Variants in TRPM8 observed in about 807,000 individuals in gnomAD.
The protein encoded by TRPM8 is transient receptor potential cation channel subfamily M member 8.
A neutral mutation model predicts 133.7 loss-of-function variants in TRPM8; 110 were observed. The ratio of observed to expected loss-of-function variants is 0.82; its 90% CI spans 0.70 to 0.96. TRPM8 has a LOEUF of 0.96. Among genes scored for constraint, TRPM8 ranks in the 40% least tolerant of loss-of-function variants. TRPM8 has a pLI of 0.00. For missense variants in TRPM8, 1,291 were observed against 1,379.5 expected, an observed-to-expected ratio of 0.94 and a Z score of 1.02; for synonymous variants, 535 against 532.3, an observed-to-expected ratio of 1.01 and a Z score of -0.07.
chr2:233,960,932 C>T lies in TRPM8; in HGVS notation c.1519C>T (p.Arg507Trp), dbSNP rs534722458. 2.6e-5 allele frequency: 42 copies of T among 1,614,148 alleles called. No individual in the cohort carries two copies. Among genetic ancestry groups the T allele is most frequent in the African/African-American group, 8.0e-5 (6 of 75,032 alleles). ...FSNHFSTLVYRNLQIAKNSYN... is the reference protein window; with the variant it reads ...FSNHFSTLVYWNLQIAKNSYN... Reference sequence around the variant, plus strand: ...CAACCACTTCAGCACGCTTGTGTACCGGAATCTGCAGATCGCCAAGAATTC... The same window carrying T: ...CAACCACTTCAGCACGCTTGTGTACTGGAATCTGCAGATCGCCAAGAATTC... Residue 507 changes from arginine to tryptophan, a missense_variant, in exon 12 of 26, where the codon CGG becomes TGG. Coordinates refer to ENST00000324695, the MANE Select transcript of TRPM8 (RefSeq NM_024080.5).
rs201310025 is a variant in TRPM8 at position 234,018,444 on chromosome 2, A to G, written c.*1188A>G. The G allele has an allele frequency of 2.0e-5, 3 of 151,572 alleles. No homozygotes were observed. The highest frequency in any genetic ancestry group is 2.1e-4 in the South Asian group (1 of 4,826). 9.4% of individuals were successfully genotyped at this position (151,572 alleles called of 1,614,324 possible). A position where few individuals can be genotyped will look rare whatever the true frequency, so the allele number is the denominator to read the frequency against. The stretch of plus-strand genomic sequence containing the variant: ...TTTATTATTAAATATTAAAATATCT[A>G]TTTATTATTAAAACCATTTATAAGG... On this transcript the variant is annotated 3_prime_UTR_variant, in exon 26 of 26. Coordinates refer to ENST00000324695, the MANE Select transcript of TRPM8 (RefSeq NM_024080.5).
intron 17 of TRPM8, among the ~76,000 whole-genome samples, chr2:233,971,268 C>T (rs1457989129): frequency 2.6e-5 from 4 of 152,126 alleles, no homozygotes; most frequent in Non-Finnish European, 5.9e-5. Flanking sequence ...CTGTTCTTGC[C>T]CTTACAGAGT....
At chr2:233,971,143 TC>T (rs1219357140) in intron 17 of TRPM8, among the ~76,000 whole-genome samples, 1 of 152,190 alleles carries the variant, frequency 6.6e-6, no homozygotes, top group Non-Finnish European at 1.5e-5. Flanking sequence ...GTCACTGTTG[TC>T]CCCTCTGAAC....
intron 22 of TRPM8, among the ~76,000 whole-genome samples, chr2:234,004,457 C>T (rs1356952147): frequency 6.6e-6 from 1 of 152,182 alleles, no homozygotes; most frequent in Non-Finnish European, 1.5e-5. Context: ...GCTGGCAATT[C>T]GTTTCCTACA....
At chr2:233,948,516 G>A (rs1399186382) in intron 8 of TRPM8, among the ~76,000 whole-genome samples, 1 of 152,192 alleles carries the variant, frequency 6.6e-6, no homozygotes, top group African/African-American at 2.4e-5. Context: ...AAGAGGAAGA[G>A]GGGTGGAGAA....
chr2:233,926,547 C>G lies in TRPM8; in HGVS notation c.10C>G (p.Arg4Gly), dbSNP rs201572946. 4 of 1,613,802 alleles carry G rather than the reference C, an allele frequency of 2.5e-6. No homozygotes were observed. The highest frequency in any genetic ancestry group is 3.4e-6 in the Non-Finnish European group (4 of 1,179,890). The change falls in exon 2 of 26, where the codon CGG becomes GGG. Residue 4 changes from arginine (R) to glycine (G), a missense_variant. Arg to Gly is a moderately radical substitution (Grantham distance 125, BLOSUM62 -2). Around this residue, in one of 2 missense-constraint regions of TRPM8, gnomAD observed 963 missense variants for 968.9 expected, o/e 0.99. Coordinates refer to ENST00000324695, the MANE Select transcript of TRPM8 (RefSeq NM_024080.5). The part of the protein sequence containing the change: MSF[R>G]AARLSMRNRR... The stretch of plus-strand genomic sequence containing the variant: ...CATCGTCACAGAAAAGATGTCCTTT[C>G]GGGCAGCCAGGCTCAGCATGAGGAA...
At chr2:233,949,738 G>A (rs988675925) in intron 8 of TRPM8, among the ~76,000 whole-genome samples, 9 of 152,272 alleles carry the variant, frequency 5.9e-5, no homozygotes, top group African/African-American at 2.2e-4. Context: ...AATTTGTTGT[G>A]GGGACAAGAT....
chr2:233,959,353 G>A (rs534087271), intron 11 of TRPM8, among the ~76,000 whole-genome samples: 1 of 116,054 alleles, frequency 8.6e-6, no homozygotes, highest in East Asian at 2.6e-4. Context: ...TTGAGATGGA[G>A]TCTCACTCTG....
intron 11 of TRPM8, among the ~76,000 whole-genome samples, chr2:233,958,127 C>T (rs1188204037): frequency 2.0e-5 from 3 of 152,114 alleles, no homozygotes; most frequent in African/African-American, 7.2e-5. Flanking sequence ...TGGATGATCC[C>T]CTTTGTGGTT....
intron 1 of TRPM8, among the ~76,000 whole-genome samples, chr2:233,922,541 A>G (rs1018740520): frequency 2.6e-5 from 4 of 152,150 alleles, no homozygotes; most frequent in South Asian, 2.1e-4. Context: ...TTAAACTGAA[A>G]AAAAACCTCT....
At chr2:233,987,929 T>A (rs1188783900) in intron 21 of TRPM8, among the ~76,000 whole-genome samples, 8 of 151,946 alleles carry the variant, frequency 5.3e-5, no homozygotes, top group Admixed American at 5.2e-4. Context: ...ATCATGATTG[T>A]GAGGCCTCCC....
At chr2:233,948,115 A>C (rs937022022) in intron 8 of TRPM8, among the ~76,000 whole-genome samples, 1 of 152,212 alleles carries the variant, frequency 6.6e-6, no homozygotes, top group Non-Finnish European at 1.5e-5. Context: ...AAGACAGGGA[A>C]TAGATTAAAG....
At chr2:233,992,273 CCTTTCT>C (rs1347743699) in intron 21 of TRPM8, among the ~76,000 whole-genome samples, 2 of 150,944 alleles carry the variant, frequency 1.3e-5, no homozygotes, top group African/African-American at 2.4e-5. Context: ...TTATTAAGCT[CCTTTCT>C]CTTTCTCTTC....
At chr2:233,993,753 C>T (rs1194582425) in intron 21 of TRPM8, among the ~76,000 whole-genome samples, 2 of 152,154 alleles carry the variant, frequency 1.3e-5, no homozygotes, top group Non-Finnish European at 2.9e-5. Flanking sequence ...AGATGGGGGG[C>T]CCACTTGCCA....
chr2:233,928,038 C>T (rs1470670633), intron 2 of TRPM8, among the ~76,000 whole-genome samples: 65 of 145,866 alleles, frequency 4.5e-4, no homozygotes, highest in African/African-American at 1.4e-3. Context: ...GGCGAGATCT[C>T]GGCTCACTGC....
intron 17 of TRPM8, among the ~76,000 whole-genome samples, chr2:233,979,267 G>T (rs894672844): frequency 2.0e-5 from 3 of 152,104 alleles, no homozygotes; most frequent in Non-Finnish European, 2.9e-5. Flanking sequence ...TCCTCATACC[G>T]ATCTTCGTGT....
intron 15 of TRPM8, among the ~76,000 whole-genome samples, chr2:233,967,346 C>T (rs920481645): frequency 7.9e-5 from 12 of 152,212 alleles, no homozygotes; most frequent in South Asian, 2.1e-4. Flanking sequence ...CAGAGCTTTT[C>T]ACCCACAGTT....
chr2:234,012,992 G>A (rs958715697), intron 24 of TRPM8, among the ~76,000 whole-genome samples: 5 of 151,944 alleles, frequency 3.3e-5, no homozygotes, highest in Admixed American at 2.6e-4. Context: ...GTGTCTTCAC[G>A]GATCCTTTTA....
chr2:233,937,645 A>T, intron 4 of TRPM8, 136 bp downstream of exon 4: 1 of 1,070,950 alleles, frequency 9.3e-7, no homozygotes, highest in South Asian at 1.6e-5. Context: ...TTGCAGAAAA[A>T]GATACATCTT....
Sources: gnomAD v4.1 joint callset for allele counts (sites outside exome capture counted in the v4.1 genomes callset) on GRCh38, gnomAD v4.1.1 for gene constraint, gnomAD v4.1.1 regional missense constraint, MANE v1.5 for transcripts, NCBI Gene and HGNC (gene_info 2026-07-23, HGNC 2026-07-21) for gene names.